The following CAMKK2 variants were observed in gnomAD, a reference collection of about 807,000 sequenced individuals.
The protein encoded by CAMKK2 is calcium/calmodulin dependent protein kinase kinase 2.
Under a neutral mutation model 67.2 loss-of-function variants are expected in CAMKK2, and 30 were observed. That is an observed-to-expected ratio of 0.45 (90% CI 0.33 to 0.61). The LOEUF (loss-of-function observed/expected upper bound fraction) is 0.61, where lower values mean the gene tolerates loss of function less well. Ranked by LOEUF, CAMKK2 falls within the 20% of genes least tolerant of loss-of-function variation. The pLI, the probability that CAMKK2 is intolerant of heterozygous loss-of-function variation, is 0.02. For synonymous variants in CAMKK2, 322 were observed against 326.2 expected, an observed-to-expected ratio of 0.99 and a Z score of 0.14; for missense variants, 643 against 802.0, an observed-to-expected ratio of 0.80 and a Z score of 2.39.
In CAMKK2 at chr12:121,241,522, G is replaced by A. The variant is rs73403879; in HGVS notation, c.1597-653C>T. ...TCCCTGAAGAGCCCAGGCTGGAGCC[G>A]CCGGTGTGACAGCGTGGATGGCGTG... On this transcript the variant is annotated intron_variant, in intron 16 of 16. Transcript: ENST00000404169. 6.8e-3 allele frequency among the ~76,000 whole-genome samples: 1,036 copies of A among 152,332 alleles called. 11 individuals are homozygous for A. The highest frequency in any genetic ancestry group is 0.024 in the African/African-American group (983 of 41,572).
intron 16 of CAMKK2, among the ~76,000 whole-genome samples, chr12:121,242,260 A>G (rs1480443015): frequency 2.0e-5 from 3 of 150,062 alleles, no homozygotes; most frequent in African/African-American, 7.4e-5. Flanking sequence ...GCTTGAGCCT[A>G]GGAGGCAGAG....
Position 121,255,795 on chromosome 12 carries a change from A to G in CAMKK2, c.806T>C (p.Leu269Pro). Reference sequence around the variant, plus strand: ...CTGGGACACTCACCCTTGGTTGACCAGTTCGAACACTGTAGGGAAGAAAAG... The same window carrying G: ...CTGGGACACTCACCCTTGGTTGACCGGTTCGAACACTGTAGGGAAGAAAAG... ...NEDHLYMVFE[L>P]VNQGPVMEVP... The change falls in exon 8 of 17, where the codon CTG (leucine) becomes CCG (proline). Residue 269 changes from leucine to proline, a missense_variant. By Grantham distance (98) the Leu-to-Pro change is moderately conservative. Around this residue, in one of 3 missense-constraint regions of CAMKK2, gnomAD observed 483 missense variants for 625.8 expected, o/e 0.77. Transcript: ENST00000404169. The G allele has an allele frequency of 6.2e-7, 1 of 1,613,822 alleles. No individual in the cohort carries two copies. Among genetic ancestry groups the G allele is most frequent in the Non-Finnish European group, 8.5e-7 (1 of 1,179,774 alleles).
At chr12:121,263,983 T>G in intron 5 of CAMKK2, 44 bp from the exon 6 acceptor site, 1 of 1,507,086 alleles carries the variant, frequency 6.6e-7, no homozygotes, top group Non-Finnish European at 9.0e-7. Flanking sequence ...CAAAGAGACT[T>G]TCCTCCGCAG....
intron 1 of CAMKK2, among the ~76,000 whole-genome samples, chr12:121,289,790 G>A (rs1476869734): frequency 6.6e-6 from 1 of 151,964 alleles, no homozygotes; most frequent in East Asian, 1.9e-4. Context: ...CTACTTGGAA[G>A]GTTGAGGCAC....
At chr12:121,282,111 G>C (rs566082056) in intron 1 of CAMKK2, among the ~76,000 whole-genome samples, 3 of 152,158 alleles carry the variant, frequency 2.0e-5, no homozygotes, top group Non-Finnish European at 4.4e-5. Context: ...AGACCTACAG[G>C]GTGAGTAGAT....
At position 121,296,067 on chromosome 12, in the gene CAMKK2, G is replaced by A. The variant is rs1391631913; in HGVS notation, c.-60+571C>T. On this transcript the variant is annotated intron_variant, in intron 1 of 16. Coordinates refer to ENST00000404169, the MANE Select transcript of CAMKK2 (RefSeq NM_001270485.2). The surrounding 1 kb of genome is among the most constrained non-coding windows in gnomAD (Gnocchi z 7.1). ...CTGTGAGGCTCCGGCTGAGAGAAGA[G>A]GTGCGGTGGGGGTGGTCAAAGGGCA... Among the ~76,000 whole-genome samples the A allele has an allele frequency of 1.3e-5, 2 of 152,202 alleles. No homozygotes were observed. The highest frequency in any genetic ancestry group is 2.9e-5 in the Non-Finnish European group (2 of 68,014).
intron 1 of CAMKK2, among the ~76,000 whole-genome samples, chr12:121,281,241 G>C (rs1897727975): frequency 6.6e-6 from 1 of 152,236 alleles, no homozygotes; most frequent in South Asian, 2.1e-4. Context: ...TCATTTCCTA[G>C]GGGCTGTTTC....
chr12:121,295,660 T>C lies in CAMKK2; in HGVS notation c.-60+978A>G, dbSNP rs548366195. 6.6e-5 allele frequency among the ~76,000 whole-genome samples: 10 copies of C among 152,216 alleles called. No homozygotes were observed. In the South Asian group the frequency reaches 1.9e-3, roughly 28 times the overall value. On this transcript the variant is annotated intron_variant, in intron 1 of 16. Coordinates refer to ENST00000404169, the MANE Select transcript of CAMKK2 (RefSeq NM_001270485.2). ...AACACCAGGCTGGGGAAGGTAAAAG[T>C]AGCCTGTAGGGAGATGGACGCTGCA...
intron 5 of CAMKK2, among the ~76,000 whole-genome samples, chr12:121,267,028 T>G (rs1199716705): frequency 1.4e-5 from 1 of 69,124 alleles, no homozygotes; most frequent in African/African-American, 9.9e-5. Flanking sequence ...TGGCCTTTTT[T>G]TTTTTTTTTT....
intron 1 of CAMKK2, among the ~76,000 whole-genome samples, chr12:121,276,411 T>C (rs1896820766): frequency 6.6e-6 from 1 of 151,342 alleles, no homozygotes; most frequent in Admixed American, 6.6e-5. Context: ...AAGGTTGCAA[T>C]GACTGAGCCG....
intron 3 of CAMKK2, chr12:121,269,875 C>T (rs905385998): frequency 3.5e-5 from 9 of 258,352 alleles, no homozygotes; most frequent in South Asian, 3.1e-4. Flanking sequence ...ATGATGAAAC[C>T]GCGTCTCTAC....
At chr12:121,252,795 T>C (rs1891037322) in intron 10 of CAMKK2, 81 bp from the exon 11 acceptor site, 2 of 1,397,990 alleles carry the variant, frequency 1.4e-6, no homozygotes, top group East Asian at 4.6e-5. Context: ...GGGAACCACC[T>C]CTTGACTTTC....
chr12:121,262,612 G>A (rs917153377), intron 6 of CAMKK2, among the ~76,000 whole-genome samples: 2 of 152,062 alleles, frequency 1.3e-5, no homozygotes, highest in Non-Finnish European at 2.9e-5. Flanking sequence ...AGGCTCGAGT[G>A]CAGTGGCACA....
intron 3 of CAMKK2, among the ~76,000 whole-genome samples, chr12:121,270,645 G>A (rs1895573987): frequency 6.6e-6 from 1 of 152,108 alleles, no homozygotes; most frequent in East Asian, 1.9e-4. Flanking sequence ...CAAATGTATT[G>A]GGGATGTAAC....
chr12:121,287,501 C>T (rs1336502167), intron 1 of CAMKK2, among the ~76,000 whole-genome samples: 2 of 152,018 alleles, frequency 1.3e-5, no homozygotes, highest in African/African-American at 4.8e-5. Context: ...ATCCAGGTGG[C>T]CTGCCCTGCA....
chr12:121,267,652 T>C (rs933214250), intron 5 of CAMKK2, among the ~76,000 whole-genome samples: 3 of 151,544 alleles, frequency 2.0e-5, no homozygotes, highest in African/African-American at 7.3e-5. Context: ...ACCACTACGC[T>C]CAGCTAGTTT....
intron 1 of CAMKK2, among the ~76,000 whole-genome samples, chr12:121,287,595 A>T (rs1899011031): frequency 1.3e-5 from 2 of 152,166 alleles, no homozygotes; most frequent in African/African-American, 4.8e-5. Flanking sequence ...CTGTCTTAAG[A>T]ATTCTTAGGC....
At chr12:121,295,880 G>C (rs1176940173) in intron 1 of CAMKK2, among the ~76,000 whole-genome samples, 3 of 152,222 alleles carry the variant, frequency 2.0e-5, no homozygotes, top group Non-Finnish European at 4.4e-5. Context: ...GGGGCTGGGG[G>C]AAAGCCAGGA....
At chr12:121,274,773 AT>A (rs1389964901) in intron 1 of CAMKK2, among the ~76,000 whole-genome samples, 188 bp from the exon 2 acceptor site, 3 of 145,226 alleles carry the variant, frequency 2.1e-5, no homozygotes, top group East Asian at 2.0e-4. Context: ...ATCTTCTTAT[AT>A]TTTTTCTTTT....
Sources: allele counts gnomAD v4.1 joint callset (sites outside exome capture counted in the v4.1 genomes callset), GRCh38; gene constraint gnomAD v4.1.1; regional missense constraint gnomAD v4.1.1; non-coding constraint Gnocchi (gnomAD v3.1); transcripts MANE v1.5; gene names NCBI Gene and HGNC (gene_info 2026-07-23, HGNC 2026-07-21).